IMMP2L: variants seen among roughly 807,000 people sequenced by gnomAD.
IMMP2L encodes the protein inner mitochondrial membrane peptidase subunit 2.
Under a neutral mutation model 19.3 loss-of-function variants are expected in IMMP2L, and 18 were observed. That is an observed-to-expected ratio of 0.93 (90% CI 0.64 to 1.38). The LOEUF (loss-of-function observed/expected upper bound fraction) is 1.38, where lower values mean the gene tolerates loss of function less well. Ranked by LOEUF, IMMP2L falls within the 40% of genes most tolerant of loss-of-function variation. The pLI is 0.00. For missense variants in IMMP2L, 233 were observed against 218.2 expected (o/e 1.07, Z -0.43); for synonymous variants, 76 against 73.0 (o/e 1.04, Z -0.21).
intron 3 of IMMP2L, among the ~76,000 whole-genome samples, chr7:110,966,337 C>A (rs1376633646): frequency 6.6e-6 from 1 of 151,950 alleles, no homozygotes; most frequent in East Asian, 1.9e-4. Context: ...TTGGGATATC[C>A]TTTAGCGGAT....
intron 5 of IMMP2L, among the ~76,000 whole-genome samples, chr7:110,702,728 A>G (rs1794368596): frequency 6.6e-6 from 1 of 152,170 alleles, no homozygotes; most frequent in African/African-American, 2.4e-5. Flanking sequence ...TTGCTAGTAT[A>G]GAGAAACAAA....
At chr7:110,695,474 G>A (rs1793816276) in intron 5 of IMMP2L, among the ~76,000 whole-genome samples, 1 of 152,162 alleles carries the variant, frequency 6.6e-6, no homozygotes, top group South Asian at 2.1e-4. Flanking sequence ...TTACAGGCAT[G>A]TAATCCACTG....
At chr7:111,014,396 C>T (rs1563160416) in intron 3 of IMMP2L, among the ~76,000 whole-genome samples, 1 of 151,956 alleles carries the variant, frequency 6.6e-6, no homozygotes, top group Non-Finnish European at 1.5e-5. Flanking sequence ...TATACACACA[C>T]ACATACACAC....
At chr7:110,818,727 T>C (rs1457242473) in intron 5 of IMMP2L, among the ~76,000 whole-genome samples, 1 of 151,734 alleles carries the variant, frequency 6.6e-6, no homozygotes, top group African/African-American at 2.4e-5. Flanking sequence ...CCAACAACGA[T>C]AGACTGGATT....
chr7:110,981,741 T>C lies in IMMP2L; in HGVS notation c.240-18176A>G, dbSNP rs1312276794. On this transcript the variant is annotated intron_variant, in intron 3 of 5. Transcript: ENST00000405709. ...CACTTAAGCAGAAACCTTTTCTAAG[T>C]TATTCAAGCTCTTGCAATGGGAATG... 2.6e-5 allele frequency among the ~76,000 whole-genome samples: 4 copies of C among 152,204 alleles called. No individual in the cohort carries two copies. The East Asian group carries it at 7.7e-4, about 29-fold the overall frequency.
intron 5 of IMMP2L, among the ~76,000 whole-genome samples, chr7:110,773,983 T>C (rs878868184): frequency 3.9e-5 from 6 of 152,078 alleles, no homozygotes; most frequent in Admixed American, 3.9e-4. Flanking sequence ...TTTCTTTCTG[T>C]ATCTCTAGAA....
intron 3 of IMMP2L, among the ~76,000 whole-genome samples, chr7:111,102,393 A>T (rs763472927): frequency 1.3e-5 from 2 of 151,518 alleles, no homozygotes; most frequent in Non-Finnish European, 3.0e-5. Context: ...GGAACCTCTT[A>T]GCTGCTGGAG....
At chr7:111,152,912 T>C (rs1260606340) in intron 3 of IMMP2L, among the ~76,000 whole-genome samples, 3 of 152,116 alleles carry the variant, frequency 2.0e-5, no homozygotes, top group African/African-American at 7.2e-5. Context: ...GATAGCTGTA[T>C]ATAAATATAT....
chr7:111,301,635 G>A (rs1822250081), intron 3 of IMMP2L, among the ~76,000 whole-genome samples: 1 of 151,890 alleles, frequency 6.6e-6, no homozygotes, highest in Admixed American at 6.6e-5. Flanking sequence ...TTTTGTAGAA[G>A]GTATGAGGTT....
At chr7:110,766,011 T>C (rs1798634125) in intron 5 of IMMP2L, among the ~76,000 whole-genome samples, 2 of 152,204 alleles carry the variant, frequency 1.3e-5, no homozygotes, top group South Asian at 2.1e-4. Context: ...GGACCACATA[T>C]AGCATGTTAC....
chr7:111,337,451 A>AGGATGGATGGAT (rs140122085), intron 3 of IMMP2L, among the ~76,000 whole-genome samples: 8 of 148,762 alleles, frequency 5.4e-5, no homozygotes, highest in South Asian at 2.2e-4. Context: ...TTTGGATGGA[A>AGGATGGATGGAT]GGATGGATGG....
intron 3 of IMMP2L, among the ~76,000 whole-genome samples, chr7:111,447,147 A>G (rs1838564038): frequency 6.8e-6 from 1 of 147,926 alleles, no homozygotes; most frequent in African/African-American, 2.5e-5. Context: ...GATATTATCC[A>G]GGAGAACTTC....
Position 111,342,452 on chromosome 7 carries a change from C to T in IMMP2L, c.239+144786G>A, listed in dbSNP as rs544175196. On this transcript the variant is annotated intron_variant, in intron 3 of 5. Coordinates refer to ENST00000405709, the MANE Select transcript of IMMP2L (RefSeq NM_032549.4). ...ACTAAAAATACAAAAATTAGCTGGG[C>T]GTGGTGGCACGTGCCTGTAATCCCA... Among the ~76,000 whole-genome samples the T allele has an allele frequency of 1.4e-4, 22 of 151,828 alleles. No homozygotes were observed. In the East Asian group the frequency reaches 2.7e-3, roughly 19 times the overall value.
At chr7:110,821,059 C>T (rs923103671) in intron 5 of IMMP2L, among the ~76,000 whole-genome samples, 1 of 151,858 alleles carries the variant, frequency 6.6e-6, no homozygotes, top group East Asian at 1.9e-4. Flanking sequence ...GCTTTATATA[C>T]ACTAACTCAT....
chr7:110,856,731 G>A (rs1806820204), intron 5 of IMMP2L, among the ~76,000 whole-genome samples: 1 of 151,988 alleles, frequency 6.6e-6, no homozygotes, highest in Admixed American at 6.6e-5. Context: ...GATATGCTTT[G>A]AATTGTTACC....
intron 5 of IMMP2L, among the ~76,000 whole-genome samples, chr7:110,853,192 T>C (rs1806420068): frequency 6.6e-6 from 1 of 151,756 alleles, no homozygotes; most frequent in African/African-American, 2.4e-5. Flanking sequence ...AACACAAACA[T>C]ACACAAATGC....
rs181481530 is a variant in IMMP2L at position 111,397,380 on chromosome 7, T to G, written c.239+89858A>C. ...GTTGATTTTGCTAACCCACCACTAT[T>G]GGACAGTTACTACCATAATAATGCA... On this transcript the variant is annotated intron_variant, in intron 3 of 5. Coordinates refer to ENST00000405709, the MANE Select transcript of IMMP2L (RefSeq NM_032549.4). 5.6e-3 allele frequency among the ~76,000 whole-genome samples: 858 copies of G among 152,258 alleles called. 6 individuals are homozygous for G. Among genetic ancestry groups the G allele is most frequent in the Middle Eastern group, 0.017 (5 of 294 alleles).
intron 3 of IMMP2L, among the ~76,000 whole-genome samples, chr7:111,445,921 T>A (rs1342836041): frequency 1.3e-5 from 2 of 152,158 alleles, no homozygotes; most frequent in African/African-American, 4.8e-5. Flanking sequence ...GGGAGTTCCC[T>A]TTCCTAGTCA....
intron 2 of IMMP2L, among the ~76,000 whole-genome samples, chr7:111,502,688 A>G (rs2132460615): frequency 6.6e-6 from 1 of 151,802 alleles, no homozygotes; most frequent in African/African-American, 2.4e-5. Flanking sequence ...ACTCAACTAC[A>G]TGGAAACTGA....
Sources: gnomAD v4.1 joint callset for allele counts (sites outside exome capture counted in the v4.1 genomes callset) on GRCh38, gnomAD v4.1.1 for gene constraint, MANE v1.5 for transcripts, NCBI Gene and HGNC (gene_info 2026-07-23, HGNC 2026-07-21) for gene names.